DCAF8: variants seen among roughly 807,000 people sequenced by gnomAD.
DCAF8 encodes DDB1- and CUL4-associated factor 8.
In DCAF8, 20 loss-of-function variants were observed where a neutral mutation model predicts 68.0. That is an observed-to-expected ratio of 0.29 (90% CI 0.21 to 0.43). DCAF8 has a LOEUF of 0.43. Ranked by LOEUF, DCAF8 falls within the 20% of genes least tolerant of loss-of-function variation. The pLI, the probability that DCAF8 is intolerant of heterozygous loss-of-function variation, is 1.00. For synonymous variants in DCAF8, 230 were observed against 276.9 expected (o/e 0.83, Z 1.68); for missense variants, 460 against 771.0 (o/e 0.60, Z 4.78).
In DCAF8 at chr1:160,231,378, TTC is replaced by T. The variant is rs1326271787; in HGVS notation, c.987_988del (p.Lys330GlufsTer30). ...ATAGATCGTATACAGCCCCACTTTC[TTC>T]TCTTTCTCTTTTGTCACCACCAGTT... On this transcript the variant is annotated frameshift_variant, in exon 7 of 14. Transcript: ENST00000368074. LOFTEE classifies it high-confidence loss of function. 6.2e-7 allele frequency: 1 copy of T among 1,614,128 alleles called. No individual in the cohort carries two copies. Among genetic ancestry groups the T allele is most frequent in the South Asian group, 1.1e-5 (1 of 91,088 alleles).
chr1:160,216,355 A>G lies in DCAF8; in HGVS notation c.*1237T>C, dbSNP rs575947248. On this transcript the variant is annotated 3_prime_UTR_variant, in exon 14 of 14. Transcript: ENST00000368074. Reference sequence around the variant, plus strand: ...ATGTCTTCTGTCACAAAGTACCACAATAGTCTGCAGTGGTGGCACCACCCT... The same window carrying G: ...ATGTCTTCTGTCACAAAGTACCACAGTAGTCTGCAGTGGTGGCACCACCCT... 6.6e-6 allele frequency: 1 copy of G among 152,298 alleles called. No homozygotes were observed. The highest frequency in any genetic ancestry group is 1.5e-5 in the Non-Finnish European group (1 of 68,048). 9.4% of individuals were successfully genotyped at this position (152,298 alleles called of 1,614,324 possible). A position where few individuals can be genotyped will look rare whatever the true frequency, so the allele number is the denominator to read the frequency against.
intron 3 of DCAF8, among the ~76,000 whole-genome samples, chr1:160,242,294 G>C (rs571587026): frequency 1.3e-5 from 2 of 151,314 alleles, no homozygotes; most frequent in African/African-American, 4.8e-5. Flanking sequence ...AAACAACTGG[G>C]CTAGGGGCTG....
At chr1:160,228,893 A>T (rs55668179) in intron 7 of DCAF8, among the ~76,000 whole-genome samples, 2,412 of 152,284 alleles carry the variant, frequency 0.016, 62 homozygotes, top group African/African-American at 0.049. Flanking sequence ...AAACCTCAAA[A>T]CATTCAGTTG....
chr1:160,224,427 G>C lies in DCAF8; in HGVS notation c.1309+15C>G, dbSNP rs1217896450. ...AACAGGCTTGGGCCAAAGAAACCTA[G>C]GAAGACAGTCTCACCTGTGGCATTA... On this transcript the variant is annotated intron_variant, in intron 10 of 13. Transcript: ENST00000368074. The C allele has an allele frequency of 1.2e-6, 2 of 1,600,826 alleles. No individual in the cohort carries two copies. Among genetic ancestry groups the C allele is most frequent in the Non-Finnish European group, 1.7e-6 (2 of 1,168,040 alleles).
chr1:160,240,855 C>T (rs1355496923), intron 3 of DCAF8, among the ~76,000 whole-genome samples: 1 of 152,184 alleles, frequency 6.6e-6, no homozygotes, highest in Non-Finnish European at 1.5e-5. Flanking sequence ...TGTGGTGTTG[C>T]ACCATTTCCT....
chr1:160,254,520 ACC>A, intron 2 of DCAF8, among the ~76,000 whole-genome samples: 1 of 150,810 alleles, frequency 6.6e-6, no homozygotes, highest in East Asian at 2.0e-4. Context: ...TTGGCCAGGT[ACC>A]ATGGCTCACG....
intron 2 of DCAF8, among the ~76,000 whole-genome samples, chr1:160,255,999 A>C (rs1461022985): frequency 6.7e-6 from 1 of 148,766 alleles, no homozygotes; most frequent in South Asian, 2.2e-4. Flanking sequence ...TTCCAGCAGC[A>C]GAACTAAGCA....
intron 6 of DCAF8, among the ~76,000 whole-genome samples, chr1:160,235,467 A>G (rs1655835935): frequency 6.6e-6 from 1 of 151,962 alleles, no homozygotes; most frequent in Non-Finnish European, 1.5e-5. Context: ...TAAACGATCT[A>G]GATATCTATC....
rs1391813220 is a variant in DCAF8 at position 160,239,832 on chromosome 1, G to T, written c.588C>A (p.Val196=). 1 of 1,614,138 alleles carries T rather than the reference G, an allele frequency of 6.2e-7. No individual in the cohort carries two copies. Among genetic ancestry groups the T allele is most frequent in the South Asian group, 1.1e-5 (1 of 91,082 alleles). Residue 196 remains valine (V), a synonymous_variant, in exon 4 of 14, where the codon GTC becomes GTA. Coordinates refer to ENST00000368074, the MANE Select transcript of DCAF8 (RefSeq NM_015726.4). ...QHGLEGHTGC[V]NTLHFNQRGT... ...CGCGCTGGTTAAAGTGCAGGGTATT[G>T]ACACAACCAGTATGGCCCTCAAGCC...
At chr1:160,250,261 C>T (rs1306508426) in intron 2 of DCAF8, among the ~76,000 whole-genome samples, 6 of 152,040 alleles carry the variant, frequency 3.9e-5, no homozygotes, top group South Asian at 2.1e-4. Flanking sequence ...GTCAGGAGTT[C>T]GAGACCAGCC....
At chr1:160,258,715 A>G (rs1420254315) in intron 2 of DCAF8, among the ~76,000 whole-genome samples, 1 of 152,016 alleles carries the variant, frequency 6.6e-6, no homozygotes, top group African/African-American at 2.4e-5. Context: ...CAGGAGTTTG[A>G]GACCAGCCTA....
chr1:160,252,099 A>T (rs1324362852), intron 2 of DCAF8, among the ~76,000 whole-genome samples: 1 of 152,194 alleles, frequency 6.6e-6, no homozygotes, highest in African/African-American at 2.4e-5. Flanking sequence ...ATTTTTATAC[A>T]AATCACAAGC....
chr1:160,252,319 G>A (rs551556776), intron 2 of DCAF8, among the ~76,000 whole-genome samples: 2 of 152,358 alleles, frequency 1.3e-5, no homozygotes, highest in South Asian at 2.1e-4. Context: ...TGGTTGAACA[G>A]AGGAAAAGAT....
chr1:160,236,623 GT>G (rs1557834630), intron 6 of DCAF8, among the ~76,000 whole-genome samples: 1 of 152,062 alleles, frequency 6.6e-6, no homozygotes, highest in Non-Finnish European at 1.5e-5. Flanking sequence ...AAGATGTTGT[GT>G]TTTTTCTATG....
intron 2 of DCAF8, among the ~76,000 whole-genome samples, chr1:160,248,194 C>T (rs1656429720): frequency 6.6e-6 from 1 of 151,958 alleles, no homozygotes; most frequent in Non-Finnish European, 1.5e-5. Context: ...GTAGTCCCTG[C>T]TACTGGGGAA....
chr1:160,219,040 T>A (rs1233015870), intron 11 of DCAF8, 72 bp from the exon 12 acceptor site: 1 of 1,583,800 alleles, frequency 6.3e-7, no homozygotes, highest in African/African-American at 1.4e-5. Flanking sequence ...CTACTCACCT[T>A]GAGCCAAATA....
intron 10 of DCAF8, 66 bp from the exon 11 acceptor site, chr1:160,222,847 A>C (rs563796179): frequency 5.1e-5 from 81 of 1,594,940 alleles, no homozygotes; most frequent in Non-Finnish European, 6.2e-5. Context: ...CATTCATCTC[A>C]AAGGGAATTT....
chr1:160,229,578 T>C (rs969254432), intron 7 of DCAF8, among the ~76,000 whole-genome samples: 1 of 152,202 alleles, frequency 6.6e-6, no homozygotes, highest in African/African-American at 2.4e-5. Context: ...GTGGTGGAAT[T>C]TGTTAGAGAC....
chr1:160,236,303 TAC>T (rs1168994054), intron 6 of DCAF8, among the ~76,000 whole-genome samples: 2 of 150,810 alleles, frequency 1.3e-5, no homozygotes, highest in African/African-American at 5.0e-5. Flanking sequence ...TATATATACA[TAC>T]ATATATACGT....
Sources: gnomAD v4.1 joint callset for allele counts (sites outside exome capture counted in the v4.1 genomes callset) on GRCh38, gnomAD v4.1.1 for gene constraint, MANE v1.5 for transcripts, NCBI Gene and HGNC (gene_info 2026-07-23, HGNC 2026-07-21) for gene names.